ARIH2: variants seen among roughly 807,000 people sequenced by gnomAD.
ARIH2 encodes E3 ubiquitin-protein ligase ARIH2.
ARIH2 carries 12 observed loss-of-function variants against 79.8 expected under a neutral mutation model. The observed-to-expected ratio is 0.15, with a 90% confidence interval of 0.10 to 0.24. The LOEUF (loss-of-function observed/expected upper bound fraction) is 0.24. Ranked by LOEUF, ARIH2 falls within the 10% of genes least tolerant of loss-of-function variation. The pLI is 1.00. For synonymous variants in ARIH2, 224 were observed against 213.9 expected (o/e 1.05, Z -0.41); for missense variants, 301 against 618.3 (o/e 0.49, Z 5.44).
intron 1 of ARIH2, among the ~76,000 whole-genome samples, chr3:48,921,102 G>A (rs2084749792): frequency 1.3e-5 from 1 of 74,820 alleles, no homozygotes. Flanking sequence ...GATTATAGGC[G>A]CATGCTACCA....
At chr3:48,936,064 A>G (rs2087066880) in intron 3 of ARIH2, among the ~76,000 whole-genome samples, 1 of 152,274 alleles carries the variant, frequency 6.6e-6, no homozygotes, top group Middle Eastern at 3.4e-3. Flanking sequence ...GCTTGTTTGT[A>G]CCTGTATTTG....
intron 8 of ARIH2, among the ~76,000 whole-genome samples, chr3:48,972,103 A>G (rs913245880): frequency 6.6e-6 from 1 of 152,156 alleles, no homozygotes; most frequent in Non-Finnish European, 1.5e-5. Flanking sequence ...GTGGGTCTCA[A>G]TCCTGCCTTA....
At position 48,957,739 on chromosome 3, in the gene ARIH2, G is replaced by A. The variant is rs149336316; in HGVS notation, c.256-3873G>A. Among the ~76,000 whole-genome samples the A allele has an allele frequency of 3.9e-3, 596 of 152,226 alleles. 4 individuals are homozygous for A. Among genetic ancestry groups the A allele is most frequent in the Middle Eastern group, 0.01 (3 of 294 alleles). On this transcript the variant is annotated intron_variant, in intron 3 of 15. Transcript: ENST00000356401. ...TTTGTTTGTTTGTTTTTGAGACAGA[G>A]TCTTACTCTGCTGTCGCCCAGGCTG...
At chr3:48,939,614 C>T (rs1322606763) in intron 3 of ARIH2, among the ~76,000 whole-genome samples, 6 of 150,788 alleles carry the variant, frequency 4.0e-5, no homozygotes, top group South Asian at 2.1e-4. Context: ...AAAAATTAGC[C>T]GGGTGTGGTG....
intron 7 of ARIH2, among the ~76,000 whole-genome samples, chr3:48,969,277 A>T (rs1325518072): frequency 6.6e-6 from 1 of 151,142 alleles, no homozygotes; most frequent in Non-Finnish European, 1.5e-5. Context: ...ATTGTGTGTC[A>T]GCAGGTGAAT....
At chr3:48,921,750 CT>C (rs1244878103) in intron 1 of ARIH2, among the ~76,000 whole-genome samples, 66 of 144,516 alleles carry the variant, frequency 4.6e-4, no homozygotes, top group African/African-American at 4.3e-4. Context: ...TGGAATTTTT[CT>C]TTTTTTTTTT....
intron 3 of ARIH2, among the ~76,000 whole-genome samples, chr3:48,949,951 A>T (rs550422276): frequency 4.6e-5 from 7 of 151,806 alleles, no homozygotes; most frequent in East Asian, 1.9e-4. Flanking sequence ...TTTTTTAAAA[A>T]ATTTTTCTTT....
chr3:48,950,386 A>G (rs1371951540), intron 3 of ARIH2, among the ~76,000 whole-genome samples: 1 of 152,104 alleles, frequency 6.6e-6, no homozygotes, highest in Non-Finnish European at 1.5e-5. Context: ...GTAAAAGCTT[A>G]ATTTTGATGA....
chr3:48,982,452 C>CCTTT (rs2092784512), intron 14 of ARIH2, among the ~76,000 whole-genome samples: 1 of 152,120 alleles, frequency 6.6e-6, no homozygotes, highest in African/African-American at 2.4e-5. Flanking sequence ...TATTTTTGTG[C>CCTTT]ATAAAGCTGT....
chr3:48,973,311 C>T (rs1461763388), intron 8 of ARIH2, among the ~76,000 whole-genome samples: 1 of 152,160 alleles, frequency 6.6e-6, no homozygotes, highest in Admixed American at 6.5e-5. Context: ...GGCGCGGTGG[C>T]TCACGCCTGT....
chr3:48,931,548 CAA>C (rs753880308), intron 3 of ARIH2, among the ~76,000 whole-genome samples: 5 of 121,232 alleles, frequency 4.1e-5, no homozygotes. Context: ...GACTCTGTCT[CAA>C]AAAAAAAAAA....
intron 6 of ARIH2, 99 bp downstream of exon 6, chr3:48,967,374 C>A: frequency 1.5e-6 from 2 of 1,349,072 alleles, no homozygotes; most frequent in South Asian, 1.4e-5. Context: ...TTCTTCTGAG[C>A]CTGATTGGGG....
intron 5 of ARIH2, among the ~76,000 whole-genome samples, chr3:48,966,267 A>G (rs1373399283): frequency 6.6e-6 from 1 of 152,216 alleles, no homozygotes; most frequent in Non-Finnish European, 1.5e-5. Context: ...AAAGGTTTCC[A>G]GAAGCAAAAT....
At chr3:48,959,013 C>A (rs924134671) in intron 3 of ARIH2, among the ~76,000 whole-genome samples, 23 of 151,694 alleles carry the variant, frequency 1.5e-4, no homozygotes, top group African/African-American at 5.6e-4. Flanking sequence ...GATCCTGTCT[C>A]AAAAATAATA....
At chr3:48,922,011 A>C (rs1482588926) in intron 1 of ARIH2, among the ~76,000 whole-genome samples, 2 of 152,196 alleles carry the variant, frequency 1.3e-5, no homozygotes, top group African/African-American at 2.4e-5. Context: ...AGTGGAGGTG[A>C]TTTTGTAGTA....
In ARIH2 at chr3:48,974,791, C is replaced by T. The variant is rs1305607699; in HGVS notation, c.889-26C>T. 4 of 1,612,170 alleles carry T rather than the reference C, an allele frequency of 2.5e-6. No homozygotes were observed. The East Asian group carries it at 8.9e-5, about 36-fold the overall frequency. On this transcript the variant is annotated intron_variant, in intron 9 of 15. Coordinates refer to ENST00000356401, the MANE Select transcript of ARIH2 (RefSeq NM_006321.4). ...AAAACCAACCTGGTGGTGTGTGAGC[C>T]TAATGGCACCCTTCTGTCTCCTCAG...
intron 5 of ARIH2, 32 bp from the exon 6 acceptor site, chr3:48,967,093 T>C: frequency 4.3e-6 from 7 of 1,609,260 alleles, no homozygotes; most frequent in Non-Finnish European, 5.9e-6. Flanking sequence ...ACCTGACTCC[T>C]CTTTGGCTCA....
chr3:48,983,147 C>T, intron 15 of ARIH2, 52 bp from the exon 16 acceptor site: 1 of 1,606,162 alleles, frequency 6.2e-7, no homozygotes, highest in South Asian at 1.1e-5. Context: ...TTGGCTACTC[C>T]TTGCTCCCAG....
chr3:48,965,198 C>A (rs1334165281), intron 5 of ARIH2, among the ~76,000 whole-genome samples: 7 of 147,288 alleles, frequency 4.8e-5, no homozygotes, highest in Admixed American at 6.8e-5. Context: ...ACTAAAAATA[C>A]AAAAAAAAAA....
Sources: gnomAD v4.1 joint callset for allele counts (sites outside exome capture counted in the v4.1 genomes callset) on GRCh38, gnomAD v4.1.1 for gene constraint, MANE v1.5 for transcripts, NCBI Gene and HGNC (gene_info 2026-07-23, HGNC 2026-07-21) for gene names.